Variants in PAFAH2 observed in about 807,000 individuals in gnomAD.
The protein encoded by PAFAH2 is platelet-activating factor acetylhydrolase 2, cytoplasmic.
A neutral mutation model predicts 49.0 loss-of-function variants in PAFAH2; 42 were observed. That is an observed-to-expected ratio of 0.86 (90% CI 0.67 to 1.11). The LOEUF is 1.11. PAFAH2 is among the 50% of genes least tolerant of loss of function. The pLI, the probability that PAFAH2 is intolerant of heterozygous loss-of-function variation, is 0.00. For missense variants in PAFAH2, 503 were observed against 501.8 expected (o/e 1.00, Z -0.02); for synonymous variants, 184 against 181.3 (o/e 1.01, Z -0.12).
At position 25,978,058 on chromosome 1, in the gene PAFAH2, G is replaced by T. The variant is rs563674648; in HGVS notation, c.667-1285C>A. The stretch of plus-strand genomic sequence containing the variant: ...CAGCTGCTTGCTAAGGGGCTCTGGA[G>T]GCCTCTCCAGGCTCTACAGCCCAGC... On this transcript the variant is annotated intron_variant, in intron 7 of 10. Coordinates refer to ENST00000374282, the MANE Select transcript of PAFAH2 (RefSeq NM_000437.4). 6.6e-5 allele frequency among the ~76,000 whole-genome samples: 10 copies of T among 152,206 alleles called. No homozygotes were observed. In the East Asian group the frequency reaches 1.9e-3, roughly 29 times the overall value.
intron 6 of PAFAH2, among the ~76,000 whole-genome samples, chr1:25,982,790 C>T (rs1002119433): frequency 8.5e-5 from 13 of 152,208 alleles, no homozygotes; most frequent in Non-Finnish European, 1.2e-4. Flanking sequence ...CTGTTATTAG[C>T]AAACCAGTAC....
chr1:25,985,867 G>A (rs2049774589), intron 4 of PAFAH2, among the ~76,000 whole-genome samples: 1 of 152,172 alleles, frequency 6.6e-6, no homozygotes, highest in African/African-American at 2.4e-5. Flanking sequence ...GTTAATCTTG[G>A]TATGTCCCAC....
intron 1 of PAFAH2, among the ~76,000 whole-genome samples, chr1:25,996,564 C>CTTG (rs2049939801): frequency 6.6e-6 from 1 of 152,030 alleles, no homozygotes; most frequent in Non-Finnish European, 1.5e-5. Context: ...ATGGCGTGAA[C>CTTG]CCGGGAGGCG....
chr1:25,979,949 G>T (rs2049657722), intron 7 of PAFAH2, among the ~76,000 whole-genome samples: 1 of 152,194 alleles, frequency 6.6e-6, no homozygotes, highest in South Asian at 2.1e-4. Context: ...TTCAGGCCTG[G>T]ACCTCAGTGC....
chr1:25,995,801 T>A (rs1236225430), intron 1 of PAFAH2, among the ~76,000 whole-genome samples: 1 of 152,206 alleles, frequency 6.6e-6, no homozygotes, highest in African/African-American at 2.4e-5. Flanking sequence ...GGGTTTTATA[T>A]TTTTTTGTAG....
At position 25,974,520 on chromosome 1, in the gene PAFAH2, T is replaced by A; in HGVS notation, c.889A>T (p.Ile297Leu). ...TMESVNLMKKICAQHEQSRII... is the reference protein window; with the variant it reads ...TMESVNLMKKLCAQHEQSRII... ...CTAGACTGTTCATGCTGGGCACATA[T>A]CTTCTTCATCAAATTGACACTCTCC... The change falls in exon 9 of 11, where the codon ATA becomes TTA. Residue 297 changes from isoleucine (I) to leucine (L), a missense_variant. Ile to Leu is a conservative substitution (Grantham distance 5). Coordinates refer to ENST00000374282, the MANE Select transcript of PAFAH2 (RefSeq NM_000437.4). 6.2e-7 allele frequency: 1 copy of A among 1,614,114 alleles called. No homozygotes were observed. The highest frequency in any genetic ancestry group is 8.5e-7 in the Non-Finnish European group (1 of 1,180,004).
In PAFAH2 at chr1:25,972,597, T is replaced by G; in HGVS notation, c.1045A>C (p.Met349Leu). 6.2e-7 allele frequency: 1 copy of G among 1,613,956 alleles called. No individual in the cohort carries two copies. ...AGGAAGGCCAACATGGCCCGTACCA[T>G]AACCTCCTGCCCTTCATAGGGGTCC... ...SLDPYEGQEV[M>L]VRAMLAFLQK... Residue 349 changes from methionine to leucine, a missense_variant, in exon 10 of 11, where the codon ATG becomes CTG. By Grantham distance (15) the Met-to-Leu change is conservative. Transcript: ENST00000374282.
intron 10 of PAFAH2, among the ~76,000 whole-genome samples, chr1:25,963,924 G>A (rs1232179430): frequency 2.0e-5 from 3 of 152,172 alleles, no homozygotes; most frequent in African/African-American, 7.2e-5. Context: ...TAGACAGAGG[G>A]AGGAGCAGTG....
chr1:25,980,445 C>T lies in PAFAH2; in HGVS notation c.666+1919G>A, dbSNP rs111946071. Among the ~76,000 whole-genome samples, 298 of 151,664 alleles carry T rather than the reference C, an allele frequency of 2.0e-3. 1 individual carries two copies. The highest frequency in any genetic ancestry group is 7.0e-3 in the African/African-American group (290 of 41,414). On this transcript the variant is annotated intron_variant, in intron 7 of 10. Transcript: ENST00000374282. ...TCAAGTGATTCTCCTGCCTCAGCCT[C>T]CCAAGTAGCCAGGACTATATGCCCA...
chr1:25,988,273 C>T lies in PAFAH2; in HGVS notation c.299G>A (p.Gly100Glu), dbSNP rs888309736. 3 of 1,610,082 alleles carry T rather than the reference C, an allele frequency of 1.9e-6. No individual in the cohort carries two copies. Among genetic ancestry groups the T allele is most frequent in the Non-Finnish European group, 2.5e-6 (3 of 1,178,322 alleles). Reference sequence around the variant, plus strand: ...ATGGGAGAAGATGATCAAGGGGTATCCAGAGTCCTTTGTCTTAAAGGGGCC... The same window carrying T: ...ATGGGAGAAGATGATCAAGGGGTATTCAGAGTCCTTTGTCTTAAAGGGGCC... ...WNGPFKTKDSGYPLIIFSHGL... is the reference protein window; with the variant it reads ...WNGPFKTKDSEYPLIIFSHGL... Residue 100 changes from glycine (G) to glutamate (E), a missense_variant, in exon 4 of 11, where the codon GGA (glycine) becomes GAA (glutamate). Physicochemically the swap from Gly to Glu is moderately conservative, Grantham distance 98. Coordinates refer to ENST00000374282, the MANE Select transcript of PAFAH2 (RefSeq NM_000437.4).
intron 10 of PAFAH2, among the ~76,000 whole-genome samples, chr1:25,963,418 T>C (rs897725119): frequency 6.6e-6 from 1 of 151,932 alleles, no homozygotes; most frequent in Non-Finnish European, 1.5e-5. Flanking sequence ...AGAGGTGCCA[T>C]GGAAAAAAAA....
intron 4 of PAFAH2, among the ~76,000 whole-genome samples, chr1:25,987,098 G>C (rs898198548): frequency 6.6e-6 from 1 of 151,608 alleles, no homozygotes; most frequent in African/African-American, 2.4e-5. Context: ...AGCTGGACAT[G>C]GTGTTGGGTG....
chr1:25,965,884 A>G (rs1408198062), intron 10 of PAFAH2, among the ~76,000 whole-genome samples: 2 of 151,236 alleles, frequency 1.3e-5, no homozygotes, highest in East Asian at 3.8e-4. Context: ...AAGAAAAAAA[A>G]AAACACATAA....
chr1:25,987,237 AAAAATAAAATAAAAT>A (rs59896051), intron 4 of PAFAH2, among the ~76,000 whole-genome samples: 3,700 of 133,872 alleles, frequency 0.028, 70 homozygotes, highest in African/African-American at 0.052. Flanking sequence ...CTGTCTCAGA[AAAAATAAAATAAAAT>A]AAAATAAAAT....
intron 7 of PAFAH2, among the ~76,000 whole-genome samples, chr1:25,981,852 C>A (rs1233254838): frequency 6.6e-6 from 1 of 152,096 alleles, no homozygotes; most frequent in Non-Finnish European, 1.5e-5. Context: ...GAAACCCCGT[C>A]TCTAGTAAAA....
intron 1 of PAFAH2, among the ~76,000 whole-genome samples, chr1:25,994,348 C>CT (rs1413628848): frequency 6.6e-6 from 1 of 152,046 alleles, no homozygotes; most frequent in East Asian, 1.9e-4. Context: ...CCAGGCTGGT[C>CT]TCAACCTCTT....
intron 4 of PAFAH2, among the ~76,000 whole-genome samples, chr1:25,986,093 T>C (rs2049777132): frequency 6.6e-6 from 1 of 152,238 alleles, no homozygotes; most frequent in Non-Finnish European, 1.5e-5. Flanking sequence ...AAGACAGGCA[T>C]TAAAGAATAA....
chr1:25,987,127 T>C (rs1317854392), intron 4 of PAFAH2, among the ~76,000 whole-genome samples: 1 of 151,096 alleles, frequency 6.6e-6, no homozygotes, highest in African/African-American at 2.4e-5. Context: ...CCCAGCTACT[T>C]GGAGGCTGAG....
At chr1:25,978,934 T>C (rs2049637368) in intron 7 of PAFAH2, among the ~76,000 whole-genome samples, 1 of 152,256 alleles carries the variant, frequency 6.6e-6, no homozygotes, top group Non-Finnish European at 1.5e-5. Flanking sequence ...GGTGAATGTT[T>C]AGGTTACTAT....
Sources: gnomAD v4.1 joint callset for allele counts (sites outside exome capture counted in the v4.1 genomes callset) on GRCh38, gnomAD v4.1.1 for gene constraint, MANE v1.5 for transcripts, NCBI Gene and HGNC (gene_info 2026-07-23, HGNC 2026-07-21) for gene names.